Variants in SCEL observed in about 807,000 individuals in gnomAD.
SCEL encodes sciellin.
SCEL carries 113 observed loss-of-function variants against 117.6 expected under a neutral mutation model. The observed-to-expected ratio is 0.96, with a 90% CI of 0.83 to 1.12. The LOEUF (loss-of-function observed/expected upper bound fraction) is 1.12. SCEL is among the 50% of genes most tolerant of loss of function. The probability of loss-of-function intolerance (pLI) is 0.00; values close to 1 mark genes in which losing one functional copy is unlikely to be tolerated. For synonymous variants in SCEL, 270 were observed against 256.2 expected, an observed-to-expected ratio of 1.05 and a Z score of -0.51; for missense variants, 785 against 810.8, an observed-to-expected ratio of 0.97 and a Z score of 0.39.
chr13:77,592,510 A>G (rs192625958), intron 11 of SCEL, among the ~76,000 whole-genome samples: 1 of 151,322 alleles, frequency 6.6e-6, no homozygotes, highest in African/African-American at 2.4e-5. Context: ...ATGGAACCTT[A>G]TTAACCATCT....
At position 77,603,149 on chromosome 13, in the gene SCEL, A is replaced by G; in HGVS notation, c.1097+14A>G. 1 of 1,468,448 alleles carries G rather than the reference A, an allele frequency of 6.8e-7. No individual in the cohort carries two copies. The highest frequency in any genetic ancestry group is 1.2e-5 in the South Asian group (1 of 81,480). The allele number at this position is 1,468,448 out of a possible 1,614,324, so 91.0% of individuals were successfully genotyped here. On this transcript the variant is annotated intron_variant, in intron 18 of 32. Transcript: ENST00000349847. ...AAATACCACTGGGTAAAAATAATTA[A>G]TGTCTTTAATTATGGTTTCTGTTAA...
chr13:77,597,440 G>A, intron 12 of SCEL, 105 bp from the exon 13 acceptor site: 1 of 623,996 alleles, frequency 1.6e-6, no homozygotes, highest in South Asian at 1.9e-5. Context: ...GATGATAAAA[G>A]TGGGATGTGT....
chr13:77,552,997 T>A (rs1444175410), intron 1 of SCEL, among the ~76,000 whole-genome samples: 1 of 152,198 alleles, frequency 6.6e-6, no homozygotes, highest in Non-Finnish European at 1.5e-5. Context: ...TTTCTCAGGT[T>A]TGTCAAAGAT....
At chr13:77,593,298 C>CGCGCGCGCGTGTG (rs1195863187) in intron 11 of SCEL, among the ~76,000 whole-genome samples, 1 of 73,676 alleles carries the variant, frequency 1.4e-5, no homozygotes, top group Non-Finnish European at 2.8e-5. Context: ...GTGTGTGTGT[C>CGCGCGCGCGTGTG]TGTGTGTGTG....
intron 28 of SCEL, among the ~76,000 whole-genome samples, chr13:77,628,366 G>A (rs900242345): frequency 6.6e-6 from 1 of 151,860 alleles, no homozygotes; most frequent in Admixed American, 6.6e-5. Context: ...ACTTACTGTT[G>A]CTTGGTAAGC....
At chr13:77,543,001 G>C (rs1043916462) in intron 1 of SCEL, among the ~76,000 whole-genome samples, 62 of 151,946 alleles carry the variant, frequency 4.1e-4, no homozygotes, top group South Asian at 8.3e-4. Context: ...AGAAGCAAAA[G>C]TGAATACCAC....
intron 1 of SCEL, among the ~76,000 whole-genome samples, chr13:77,542,394 C>T (rs1303249762): frequency 4.1e-5 from 6 of 147,758 alleles, no homozygotes; most frequent in Admixed American, 1.4e-4. Flanking sequence ...AGCAAGATTC[C>T]GTCTCAACAA....
intron 9 of SCEL, among the ~76,000 whole-genome samples, chr13:77,583,683 A>G (rs749753707): frequency 4.6e-5 from 7 of 152,250 alleles, no homozygotes; most frequent in Non-Finnish European, 7.3e-5. Flanking sequence ...CAGAAAGACC[A>G]GTTTGAAACC....
intron 12 of SCEL, among the ~76,000 whole-genome samples, chr13:77,594,467 A>G (rs1421986686): frequency 6.6e-6 from 1 of 152,150 alleles, no homozygotes; most frequent in African/African-American, 2.4e-5. Flanking sequence ...AGCCCTGCCC[A>G]TTGTTCAAGA....
At chr13:77,556,849 AC>A (rs1186728128) in intron 3 of SCEL, 136 bp downstream of exon 3, 4 of 663,812 alleles carry the variant, frequency 6.0e-6, no homozygotes, top group Non-Finnish European at 1.1e-5. Flanking sequence ...TTTTGGTGAG[AC>A]TTAGTAAGCA....
chr13:77,584,801 A>G (rs1036121104), intron 9 of SCEL, among the ~76,000 whole-genome samples: 1 of 152,158 alleles, frequency 6.6e-6, no homozygotes, highest in Non-Finnish European at 1.5e-5. Context: ...ATGAATCCAC[A>G]CAGATACACT....
At chr13:77,563,790 T>C (rs765607079) in intron 4 of SCEL, 41 bp from the exon 5 acceptor site, 1 of 1,479,826 alleles carries the variant, frequency 6.8e-7, no homozygotes, top group South Asian at 1.2e-5. Flanking sequence ...TTTTTGTAAT[T>C]GATTTGATTT....
intron 9 of SCEL, among the ~76,000 whole-genome samples, chr13:77,577,347 A>G (rs1196792983): frequency 6.6e-6 from 1 of 152,136 alleles, no homozygotes; most frequent in Non-Finnish European, 1.5e-5. Context: ...AAGGCAAAGG[A>G]GAAGCAGGGA....
intron 9 of SCEL, among the ~76,000 whole-genome samples, chr13:77,584,654 G>T (rs1053340693): frequency 1.3e-5 from 2 of 152,050 alleles, no homozygotes; most frequent in Non-Finnish European, 2.9e-5. Context: ...TCTATTTTTT[G>T]TAATCCTCCT....
chr13:77,564,200 T>A (rs1469487062), intron 5 of SCEL, among the ~76,000 whole-genome samples: 1 of 151,806 alleles, frequency 6.6e-6, no homozygotes, highest in Non-Finnish European at 1.5e-5. Context: ...GGTTTTTTTT[T>A]TTTTTTTTGC....
chr13:77,600,573 G>A (rs1412630971), intron 15 of SCEL, among the ~76,000 whole-genome samples: 1 of 151,984 alleles, frequency 6.6e-6, no homozygotes, highest in Non-Finnish European at 1.5e-5. Flanking sequence ...CATAAAATGG[G>A]TTAATTGATG....
In SCEL at chr13:77,599,673, T is replaced by C. The variant is rs769843194; in HGVS notation, c.858-16T>C. ...TCAGTATGCAGCCTTTTATGTGAAT[T>C]TCTTTGTGTTTTCAGAGCCAAAAGC... On this transcript the variant is annotated splice_polypyrimidine_tract_variant and intron_variant, in intron 14 of 32. Coordinates refer to ENST00000349847, the MANE Select transcript of SCEL (RefSeq NM_144777.3). 1.6e-5 allele frequency: 26 copies of C among 1,590,848 alleles called. No homozygotes were observed. Among genetic ancestry groups the C allele is most frequent in the Middle Eastern group, 1.7e-4 (1 of 6,006 alleles).
intron 9 of SCEL, among the ~76,000 whole-genome samples, chr13:77,587,350 T>C (rs917075558): frequency 2.6e-5 from 4 of 151,902 alleles, no homozygotes; most frequent in African/African-American, 7.3e-5. Context: ...TCCCCCTCTC[T>C]CTCCTGCATC....
intron 13 of SCEL, among the ~76,000 whole-genome samples, chr13:77,598,413 T>C (rs993232394): frequency 1.4e-4 from 21 of 152,190 alleles, no homozygotes; most frequent in African/African-American, 5.1e-4. Context: ...GCAATAATGA[T>C]CACTTAATCT....
Sources: gnomAD v4.1 joint callset for allele counts (sites outside exome capture counted in the v4.1 genomes callset) on GRCh38, gnomAD v4.1.1 for gene constraint, MANE v1.5 for transcripts, NCBI Gene and HGNC (gene_info 2026-07-23, HGNC 2026-07-21) for gene names.